Variants in AARS1 observed in about 807,000 individuals in gnomAD.
The protein encoded by AARS1 is alanine--tRNA ligase, cytoplasmic.
Under a neutral mutation model 108.9 loss-of-function variants are expected in AARS1, and 72 were observed. The observed-to-expected ratio is 0.66, with a 90% confidence interval of 0.55 to 0.80. AARS1 has a LOEUF of 0.80. Among genes scored for constraint, AARS1 ranks in the 30% least tolerant of loss-of-function variants. AARS1 has a pLI of 0.00. For missense variants in AARS1, 1,193 were observed against 1,233.2 expected (o/e 0.97, Z 0.49); for synonymous variants, 489 against 465.7 (o/e 1.05, Z -0.64).
intron 14 of AARS1, 85 bp downstream of exon 14, chr16:70,258,893 AAC>A: frequency 2.1e-6 from 3 of 1,427,644 alleles, no homozygotes; most frequent in Non-Finnish European, 2.9e-6. Context: ...AATCTGATAC[AAC>A]AGAGTGAGAG....
rs1187174022 is a variant in AARS1, at chr16:70,255,600, G to A, written c.2286+128C>T. On this transcript the variant is annotated intron_variant, in intron 16 of 20. Transcript: ENST00000261772. The stretch of plus-strand genomic sequence containing the variant: ...CAGGGGTAGGACACTGGGGCAGGGG[G>A]AGTGGCCCAGCCTGTACTTTCACTC... 3 of 804,140 alleles carry A rather than the reference G, an allele frequency of 3.7e-6. No homozygotes were observed. In the African/African-American group the frequency reaches 5.1e-5, roughly 14 times the overall value. 49.8% of individuals were successfully genotyped at this position (804,140 alleles called of 1,614,324 possible).
chr16:70,273,703 A>C (rs1321215708), intron 4 of AARS1, among the ~76,000 whole-genome samples: 1 of 151,860 alleles, frequency 6.6e-6, no homozygotes, highest in Middle Eastern at 3.2e-3. Flanking sequence ...TCTACTAAAA[A>C]ATACAAAAAA....
intron 12 of AARS1, chr16:70,261,485 C>T: frequency 3.2e-6 from 1 of 309,010 alleles, no homozygotes; most frequent in Non-Finnish European, 6.3e-6. Flanking sequence ...ATAATTCCAC[C>T]TACTCAGGAG....
chr16:70,274,157 G>C (rs1248861291), intron 4 of AARS1, among the ~76,000 whole-genome samples: 1 of 146,680 alleles, frequency 6.8e-6, no homozygotes, highest in East Asian at 2.0e-4. Flanking sequence ...CCAACATGGA[G>C]AAACCCGTCT....
chr16:70,262,679 G>A (rs1960162149), intron 11 of AARS1, among the ~76,000 whole-genome samples, 155 bp from the exon 12 acceptor site: 1 of 152,030 alleles, frequency 6.6e-6, no homozygotes, highest in Admixed American at 6.6e-5. Context: ...CAATATGAAA[G>A]GGCTTCGCGG....
At position 70,269,675 on chromosome 16, in the gene AARS1, G is replaced by GC; in HGVS notation, c.904dup (p.Ala302GlyfsTer10). 6.2e-7 allele frequency: 1 copy of GC among 1,614,180 alleles called. No homozygotes were observed. The highest frequency in any genetic ancestry group is 8.5e-7 in the Non-Finnish European group (1 of 1,180,030). ...AGCCAGTGCCACAGTGATGGTCCGA[G>GC]CGTGGTCAGCCAGCACCCGGTAGGC... On this transcript the variant is annotated frameshift_variant, in exon 7 of 21. Transcript: ENST00000261772. LOFTEE classifies it high-confidence loss of function.
chr16:70,257,908 A>G, intron 15 of AARS1, 125 bp downstream of exon 15: 1 of 1,043,488 alleles, frequency 9.6e-7, no homozygotes. Flanking sequence ...AACGCTATTT[A>G]GCAACGGCAT....
At chr16:70,271,536 C>CAA (rs199620449) in intron 5 of AARS1, among the ~76,000 whole-genome samples, 1 of 126,966 alleles carries the variant, frequency 7.9e-6, no homozygotes. Context: ...CTCAAAAAAA[C>CAA]AAAAAAAAAA....
rs530067759 is a variant in AARS1, at chr16:70,260,671, T to A, written c.1785+373A>T. Among the ~76,000 whole-genome samples the A allele has an allele frequency of 2.0e-4, 30 of 150,206 alleles. 1 individual carries two copies. The highest frequency in any genetic ancestry group is 8.5e-4 in the South Asian group (4 of 4,732). On this transcript the variant is annotated intron_variant, in intron 13 of 20. Transcript: ENST00000261772. ...GGGAGTGATAACAGTGACAGGACAA[T>A]TTTTTTTTTGAGGCGGAGTCTCGCT... is the stretch of plus-strand genomic sequence containing the variant.
At chr16:70,275,185 G>A (rs1357664504) in intron 4 of AARS1, among the ~76,000 whole-genome samples, 4 of 151,826 alleles carry the variant, frequency 2.6e-5, no homozygotes, top group Non-Finnish European at 4.4e-5. Context: ...GCCTTAACCC[G>A]GGAGGCAGAG....
intron 7 of AARS1, among the ~76,000 whole-genome samples, chr16:70,269,322 G>GAAAAAAAAAAAAAA (rs56394253): frequency 2.0e-4 from 13 of 64,268 alleles, no homozygotes; most frequent in African/African-American, 7.2e-4. Context: ...TTCTGTCTCA[G>GAAAAAAAAAAAAAA]AAAAAAAAAA....
At chr16:70,273,554 C>CA (rs1269241752) in intron 4 of AARS1, among the ~76,000 whole-genome samples, 2 of 151,914 alleles carry the variant, frequency 1.3e-5, no homozygotes, top group African/African-American at 4.8e-5. Context: ...CCTGTCCCTA[C>CA]AAAAAATACA....
At chr16:70,269,362 A>C in intron 7 of AARS1, among the ~76,000 whole-genome samples, 1 of 121,252 alleles carries the variant, frequency 8.2e-6, no homozygotes, top group African/African-American at 3.2e-5. Flanking sequence ...AAAAAAAAAC[A>C]ACCGTCTCTA....
At chr16:70,268,489 AAG>A in intron 7 of AARS1, 110 bp from the exon 8 acceptor site, 1 of 858,886 alleles carries the variant, frequency 1.2e-6, no homozygotes. Context: ...CTTTTATCCT[AAG>A]CCTGCTTCTT....
intron 19 of AARS1, 120 bp from the exon 20 acceptor site, chr16:70,253,501 GC>G: frequency 9.4e-7 from 1 of 1,064,196 alleles, no homozygotes; most frequent in Non-Finnish European, 1.4e-6. Flanking sequence ...CAGGGGCTGT[GC>G]CCAGGGCCTG....
At chr16:70,268,434 G>C in intron 7 of AARS1, 55 bp from the exon 8 acceptor site, 1 of 1,510,894 alleles carries the variant, frequency 6.6e-7, no homozygotes, top group Non-Finnish European at 9.2e-7. Context: ...TTTGTCTTGA[G>C]TCCCTTGGAA....
chr16:70,263,735 C>G (rs1960199749), intron 11 of AARS1, among the ~76,000 whole-genome samples: 2 of 151,950 alleles, frequency 1.3e-5, no homozygotes, highest in African/African-American at 4.8e-5. Flanking sequence ...CTCCCAGGCT[C>G]AAGTGATCCT....
rs1424574012 is a variant in AARS1, at chr16:70,265,528, A to G, written c.1347+10T>C. The G allele has an allele frequency of 1.9e-6, 3 of 1,613,590 alleles. No homozygotes were observed. Among genetic ancestry groups the G allele is most frequent in the Admixed American group, 3.3e-5 (2 of 59,962 alleles). ...TGTTGGGTTTCCTGTTCACTCTCCA[A>G]GTTCTTTACCTGGGCCAGTTTCCTC... On this transcript the variant is annotated intron_variant, in intron 10 of 20. Coordinates refer to ENST00000261772, the MANE Select transcript of AARS1 (RefSeq NM_001605.3).
chr16:70,252,904 A>G lies in AARS1; in HGVS notation c.2724T>C (p.Asn908=), dbSNP rs2152149449. 3.7e-6 allele frequency: 6 copies of G among 1,614,198 alleles called. No individual in the cohort carries two copies. Among genetic ancestry groups the G allele is most frequent in the Non-Finnish European group, 5.1e-6 (6 of 1,180,038 alleles). ...KITCLCQVPQ[N]AANRGLKASE... is the part of the protein sequence containing the mutation. ...TGGCTTTTAAGCCCCGATTGGCTGC[A>G]TTCTAGAAGACAGGAAGGGAAGGGG... The change falls in exon 21 of 21, where the codon AAT becomes AAC. Residue 908 remains asparagine (N), a splice_region_variant and synonymous_variant. Transcript: ENST00000261772.
Sources: allele counts gnomAD v4.1 joint callset (sites outside exome capture counted in the v4.1 genomes callset), GRCh38; gene constraint gnomAD v4.1.1; transcripts MANE v1.5; gene names NCBI Gene and HGNC (gene_info 2026-07-23, HGNC 2026-07-21).